Variants in NKAIN3 observed in about 807,000 individuals in gnomAD.
The protein encoded by NKAIN3 is sodium/potassium transporting ATPase interacting 3.
NKAIN3 carries 25 observed loss-of-function variants against 30.2 expected under a neutral mutation model. That is an observed-to-expected ratio of 0.83 (90% CI 0.60 to 1.16). NKAIN3 has a LOEUF of 1.16. Ranked by LOEUF, NKAIN3 falls within the 50% of genes most tolerant of loss-of-function variation. The pLI, the probability that NKAIN3 is intolerant of heterozygous loss-of-function variation, is 0.00. For synonymous variants in NKAIN3, 91 were observed against 89.6 expected (o/e 1.02, Z -0.09); for missense variants, 225 against 254.1 (o/e 0.89, Z 0.78).
intron 5 of NKAIN3, among the ~76,000 whole-genome samples, chr8:62,924,692 GTTC>G (rs1275218906): frequency 3.9e-5 from 6 of 152,156 alleles, no homozygotes; most frequent in African/African-American, 1.4e-4. Flanking sequence ...TCCTGTCTTA[GTTC>G]TTCTGGGCTG....
intron 6 of NKAIN3, among the ~76,000 whole-genome samples, chr8:62,961,631 T>C (rs1823573502): frequency 6.6e-6 from 1 of 152,146 alleles, no homozygotes; most frequent in Admixed American, 6.5e-5. Flanking sequence ...ACACAACTTC[T>C]GTATAACCAA....
At chr8:62,583,176 T>A (rs911932779) in intron 2 of NKAIN3, among the ~76,000 whole-genome samples, 1 of 152,170 alleles carries the variant, frequency 6.6e-6, no homozygotes, top group Non-Finnish European at 1.5e-5. Context: ...ACTTATTGAT[T>A]ATTTTTCCTA....
At chr8:62,935,404 G>A (rs574075345) in intron 5 of NKAIN3, among the ~76,000 whole-genome samples, 10 of 152,082 alleles carry the variant, frequency 6.6e-5, no homozygotes, top group South Asian at 2.1e-4. Flanking sequence ...GCACTCCATC[G>A]CCATTACCTT....
chr8:62,955,014 T>A (rs1001012218), intron 6 of NKAIN3, among the ~76,000 whole-genome samples: 1 of 152,156 alleles, frequency 6.6e-6, no homozygotes, highest in African/African-American at 2.4e-5. Context: ...AATAAACACA[T>A]ATGAAAAGTT....
chr8:62,590,538 ATT>A (rs1810620190), intron 3 of NKAIN3, among the ~76,000 whole-genome samples: 1 of 151,906 alleles, frequency 6.6e-6, no homozygotes, highest in Non-Finnish European at 1.5e-5. Context: ...ACTTAACAGT[ATT>A]ACAAAAAGTA....
chr8:62,842,356 T>C (rs1819557965), intron 4 of NKAIN3, among the ~76,000 whole-genome samples: 1 of 152,008 alleles, frequency 6.6e-6, no homozygotes, highest in African/African-American at 2.4e-5. Context: ...ATGAATGAAA[T>C]TGAAGAAAAC....
intron 1 of NKAIN3, among the ~76,000 whole-genome samples, chr8:62,259,025 C>G (rs770447197): frequency 8.5e-5 from 13 of 152,136 alleles, no homozygotes; most frequent in Non-Finnish European, 1.5e-4. Context: ...GCTCTGCTTG[C>G]ATGAAGGGTA....
intron 1 of NKAIN3, among the ~76,000 whole-genome samples, chr8:62,274,104 T>C (rs954386509): frequency 2.0e-5 from 3 of 152,322 alleles, no homozygotes; most frequent in South Asian, 2.1e-4. Context: ...TGCCTATGGC[T>C]GGAGAGTGGA....
At chr8:62,869,313 G>GCCGCCAC (rs1377830248) in intron 4 of NKAIN3, among the ~76,000 whole-genome samples, 1 of 151,620 alleles carries the variant, frequency 6.6e-6, no homozygotes, top group Non-Finnish European at 1.5e-5. Flanking sequence ...CCCTCCCCTT[G>GCCGCCAC]CCGCCACCCG....
At chr8:62,862,647 G>T (rs1324828049) in intron 4 of NKAIN3, among the ~76,000 whole-genome samples, 1 of 152,020 alleles carries the variant, frequency 6.6e-6, no homozygotes, top group African/African-American at 2.4e-5. Context: ...AGTTTTTAAA[G>T]ATCACTGAAA....
At chr8:62,908,682 T>G (rs1821850495) in intron 4 of NKAIN3, among the ~76,000 whole-genome samples, 1 of 152,176 alleles carries the variant, frequency 6.6e-6, no homozygotes, top group Admixed American at 6.6e-5. Context: ...AAGACATGAC[T>G]TTTCCCCACC....
chr8:62,755,537 T>C (rs1363790848), intron 4 of NKAIN3, among the ~76,000 whole-genome samples: 2 of 151,544 alleles, frequency 1.3e-5, no homozygotes, highest in Non-Finnish European at 2.9e-5. Context: ...TATTGGACTC[T>C]TTTTTTTTCT....
Position 62,304,956 on chromosome 8 carries a change from C to A in NKAIN3, c.54+55829C>A, listed in dbSNP as rs530408102. 2.7e-5 allele frequency among the ~76,000 whole-genome samples: 4 copies of A among 150,604 alleles called. No individual in the cohort carries two copies. The East Asian group carries it at 7.8e-4, about 29-fold the overall frequency. On this transcript the variant is annotated intron_variant, in intron 1 of 6. Coordinates refer to ENST00000623646, the MANE Select transcript of NKAIN3 (RefSeq NM_001304533.3). ...ATGTGAGGCAAAAATGTAATGAAAT[C>A]TCAGTTCTAGGCCTCATTAGCTATG...
chr8:62,332,368 A>G (rs1386301777), intron 1 of NKAIN3, among the ~76,000 whole-genome samples: 1 of 152,178 alleles, frequency 6.6e-6, no homozygotes, highest in Non-Finnish European at 1.5e-5. Flanking sequence ...AGTCATCATC[A>G]GAAAGACTTG....
chr8:62,750,810 G>A (rs80058378), intron 4 of NKAIN3, among the ~76,000 whole-genome samples: 2 of 152,112 alleles, frequency 1.3e-5, no homozygotes, highest in Non-Finnish European at 1.5e-5. Flanking sequence ...CCATGCTGGA[G>A]TGGAGAAGTC....
intron 1 of NKAIN3, among the ~76,000 whole-genome samples, chr8:62,451,180 C>A (rs938429693): frequency 2.0e-5 from 3 of 152,020 alleles, no homozygotes; most frequent in African/African-American, 7.2e-5. Context: ...ACACAATTAA[C>A]CAAAAATCAA....
chr8:62,370,501 G>GCA (rs1215586571), intron 1 of NKAIN3, among the ~76,000 whole-genome samples: 6 of 151,850 alleles, frequency 4.0e-5, no homozygotes, highest in Non-Finnish European at 7.4e-5. Flanking sequence ...ACACATCTAT[G>GCA]CACACACACA....
intron 1 of NKAIN3, among the ~76,000 whole-genome samples, chr8:62,407,072 C>A (rs547549693): frequency 5.1e-4 from 78 of 152,006 alleles, no homozygotes; most frequent in African/African-American, 1.9e-3. Context: ...ATTTAGGATT[C>A]TTTTACTGGA....
chr8:62,442,821 T>A (rs1372273555), intron 1 of NKAIN3, among the ~76,000 whole-genome samples: 1 of 151,926 alleles, frequency 6.6e-6, no homozygotes, highest in Admixed American at 6.6e-5. Flanking sequence ...CCCCATACCA[T>A]TACCATTTTG....
Sources: gnomAD v4.1 joint callset for allele counts (sites outside exome capture counted in the v4.1 genomes callset) on GRCh38, gnomAD v4.1.1 for gene constraint, MANE v1.5 for transcripts, NCBI Gene and HGNC (gene_info 2026-07-23, HGNC 2026-07-21) for gene names.